The following KNL1 variants were observed in gnomAD, a reference collection of about 807,000 sequenced individuals.
The protein encoded by KNL1 is outer kinetochore KNL1 complex subunit KNL1.
Under a neutral mutation model 201.3 loss-of-function variants are expected in KNL1, and 66 were observed. The ratio of observed to expected loss-of-function variants is 0.33; its 90% CI spans 0.27 to 0.40. The LOEUF (loss-of-function observed/expected upper bound fraction) is 0.40, where lower values mean the gene tolerates loss of function less well. Ranked by LOEUF, KNL1 falls within the 10% of genes least tolerant of loss-of-function variation. The probability of loss-of-function intolerance (pLI) is 1.00; values close to 1 mark genes in which losing one functional copy is unlikely to be tolerated. For synonymous variants in KNL1, 895 were observed against 899.2 expected, an observed-to-expected ratio of 1.00 and a Z score of 0.08; for missense variants, 2,815 against 2,690.5, an observed-to-expected ratio of 1.05 and a Z score of -1.02.
intron 24 of KNL1, among the ~76,000 whole-genome samples, chr15:40,658,818 T>C (rs1193344425): frequency 6.7e-6 from 1 of 150,286 alleles, no homozygotes; most frequent in African/African-American, 2.4e-5. Context: ...TAGTCCCAGC[T>C]AATCAGGAGG....
chr15:40,650,168 A>G, intron 17 of KNL1, 133 bp from the exon 18 acceptor site: 2 of 615,902 alleles, frequency 3.2e-6, no homozygotes, highest in Non-Finnish European at 5.5e-6. Context: ...GAACTTCTGA[A>G]CTTCCTACTA....
At position 40,663,068 on chromosome 15, in the gene KNL1, C is replaced by CT. The variant is rs563946206; in HGVS notation, c.*889dup. On this transcript the variant is annotated 3_prime_UTR_variant, in exon 26 of 26. Coordinates refer to ENST00000399668, the MANE Select transcript of KNL1 (RefSeq NM_144508.5). ...ATGGTGTCTATTATGTTTTCTTTTT[C>CT]TTTTTTTTTGAGACGGAGTCTTGCT... 1.2e-3 allele frequency: 198 copies of CT among 166,346 alleles called. 4 individuals are homozygous for CT. In the South Asian group the frequency reaches 0.03, roughly 25 times the overall value. The allele number at this position is 166,346 out of a possible 1,614,324, so 10.3% of individuals were successfully genotyped here. A position where few individuals can be genotyped will look rare whatever the true frequency, so the allele number is the denominator to read the frequency against.
chr15:40,661,258 C>T (rs548936079), intron 25 of KNL1, among the ~76,000 whole-genome samples: 12 of 151,830 alleles, frequency 7.9e-5, no homozygotes, highest in East Asian at 1.9e-4. Context: ...TTTTGGAGGC[C>T]GAGGTGGGTG....
chr15:40,636,410 T>G (rs902038058), intron 13 of KNL1, among the ~76,000 whole-genome samples: 8 of 152,244 alleles, frequency 5.3e-5, no homozygotes, highest in Non-Finnish European at 1.2e-4. Flanking sequence ...TCACTTTATG[T>G]GTTATGAAAG....
At chr15:40,640,763 A>AT (rs1018317941) in intron 13 of KNL1, 149 bp from the exon 14 acceptor site, 39 of 571,446 alleles carry the variant, frequency 6.8e-5, no homozygotes, top group African/African-American at 5.9e-4. Flanking sequence ...TCAGATTCCA[A>AT]TTTTTTGTTT....
chr15:40,652,084 A>G lies in KNL1; in HGVS notation c.6394A>G (p.Ile2132Val), dbSNP rs1274448842. 1.2e-6 allele frequency: 2 copies of G among 1,613,300 alleles called. No homozygotes were observed. The highest frequency in any genetic ancestry group is 1.7e-5 in the Admixed American group (1 of 60,004). Reference protein sequence around the residue: ...TFVYDTIQLTITFEESVVGFP... With the variant: ...TFVYDTIQLTVTFEESVVGFP... ...TGTTTATGACACGATACAACTCACC[A>G]TCACCTTTGAAGAGTCAGTTGGTAA... Residue 2132 changes from isoleucine to valine, a missense_variant, in exon 21 of 26, where the codon ATC becomes GTC. Coordinates refer to ENST00000399668, the MANE Select transcript of KNL1 (RefSeq NM_144508.5).
intron 2 of KNL1, among the ~76,000 whole-genome samples, 182 bp from the exon 3 acceptor site, chr15:40,604,926 AAT>A (rs1465370478): frequency 6.6e-6 from 1 of 152,220 alleles, no homozygotes; most frequent in Non-Finnish European, 1.5e-5. Context: ...CGTAGTACAC[AAT>A]ATGTATTTTA....
In KNL1 at chr15:40,663,280, C is replaced by T. The variant is rs1437761733; in HGVS notation, c.*1092C>T. The T allele has an allele frequency of 4.1e-5, 7 of 169,812 alleles. No individual in the cohort carries two copies. Among genetic ancestry groups the T allele is most frequent in the Non-Finnish European group, 9.0e-5 (7 of 78,204 alleles). The allele number at this position is 169,812 out of a possible 1,614,324, so 10.5% of individuals were successfully genotyped here. ...TTCACGATGTTAGCCAGGATGGTCT[C>T]GATCTCCTGACCTCGTGATCCGCCT... On this transcript the variant is annotated 3_prime_UTR_variant, in exon 26 of 26. Coordinates refer to ENST00000399668, the MANE Select transcript of KNL1 (RefSeq NM_144508.5).
intron 12 of KNL1, 54 bp downstream of exon 12, chr15:40,628,732 G>C: frequency 8.6e-7 from 1 of 1,166,572 alleles, no homozygotes; most frequent in Non-Finnish European, 1.2e-6. Context: ...AGGTTTAAAC[G>C]TCTCATTTCT....
In KNL1 at chr15:40,628,189, G is replaced by C; in HGVS notation, c.5496G>C (p.Gly1832=). ...CTCTGGATTCAATCAAGGCTGATGG[G>C]ACCTCTCTGGACTTCAGCAGTAAGA... The part of the protein sequence containing the change: ...SSSLDSIKAD[G]TSLDFSTYRS... The change falls in exon 11 of 26, where the codon GGG becomes GGC. Residue 1832 remains glycine (G), a synonymous_variant. Coordinates refer to ENST00000399668, the MANE Select transcript of KNL1 (RefSeq NM_144508.5). 1 of 1,603,164 alleles carries C rather than the reference G, an allele frequency of 6.2e-7. No homozygotes were observed. Among genetic ancestry groups the C allele is most frequent in the Non-Finnish European group, 8.5e-7 (1 of 1,176,718 alleles).
At chr15:40,641,155 A>T in intron 14 of KNL1, 128 bp downstream of exon 14, 4 of 589,936 alleles carry the variant, frequency 6.8e-6, no homozygotes, top group Non-Finnish European at 8.8e-6. Flanking sequence ...TGGCAGTGTG[A>T]TGTGGGAGAA....
rs576771552 is a variant in KNL1 at position 40,629,648 on chromosome 15, C to T, written c.5682+277C>T. Among the ~76,000 whole-genome samples the T allele has an allele frequency of 2.4e-4, 36 of 151,428 alleles. No individual in the cohort carries two copies. The South Asian group carries it at 3.1e-3, about 13-fold the overall frequency. On this transcript the variant is annotated intron_variant, in intron 13 of 25. Transcript: ENST00000399668. ...CCTCCTGAGTAGCTGGGACTACAGG[C>T]GCGTGCCACCACACCCGGCTAATTT... is the stretch of plus-strand genomic sequence containing the variant.
chr15:40,623,684 T>C lies in KNL1; in HGVS notation c.3420T>C (p.Thr1140=). The change falls in exon 10 of 26, where the codon ACT becomes ACC. Residue 1140 remains threonine, a synonymous_variant. Transcript: ENST00000399668. Reference sequence around the variant, plus strand: ...ACACAACTGCCTTAGAATGTAAAACTCTCCTGCCAAATGAAATAGCTATTA... The same window carrying C: ...ACACAACTGCCTTAGAATGTAAAACCCTCCTGCCAAATGAAATAGCTATTA... ...RSHTTALECK[T]LLPNEIAIRP... is the part of the protein sequence containing the mutation. 1 of 1,613,838 alleles carries C rather than the reference T, an allele frequency of 6.2e-7. No homozygotes were observed. The highest frequency in any genetic ancestry group is 8.5e-7 in the Non-Finnish European group (1 of 1,179,904).
chr15:40,645,355 G>A (rs991873080), intron 15 of KNL1, among the ~76,000 whole-genome samples: 5 of 152,048 alleles, frequency 3.3e-5, no homozygotes, highest in African/African-American at 4.8e-5. Context: ...AGATTTAGAC[G>A]AAGAAAAGAT....
chr15:40,638,702 A>G (rs924669001), intron 13 of KNL1, among the ~76,000 whole-genome samples: 9 of 151,992 alleles, frequency 5.9e-5, no homozygotes, highest in African/African-American at 2.2e-4. Flanking sequence ...CAGGTGGGCC[A>G]GGCTTGTCTT....
intron 19 of KNL1, 22 bp from the exon 20 acceptor site, chr15:40,651,449 G>T (rs142222899): frequency 4.5e-6 from 7 of 1,539,318 alleles, no homozygotes; most frequent in South Asian, 3.6e-5. Flanking sequence ...TTATCTCTCT[G>T]AATACCTGCT....
chr15:40,649,138 C>G (rs2141756336), intron 17 of KNL1, among the ~76,000 whole-genome samples: 1 of 150,424 alleles, frequency 6.6e-6, no homozygotes, highest in South Asian at 2.1e-4. Flanking sequence ...GCGCCTGGCC[C>G]AAACTTAACT....
In KNL1 at chr15:40,616,994, G is replaced by C. The variant is rs542059287; in HGVS notation, c.322+1616G>C. On this transcript the variant is annotated intron_variant, in intron 8 of 25. Coordinates refer to ENST00000399668, the MANE Select transcript of KNL1 (RefSeq NM_144508.5). ...GACGGAGTCTCACTCTGTCACCCAG[G>C]CTGAAGTGAGGTGGTGCGATCTTGG... Among the ~76,000 whole-genome samples the C allele has an allele frequency of 2.0e-5, 3 of 152,152 alleles. No homozygotes were observed. In the South Asian group the frequency reaches 6.2e-4, roughly 32 times the overall value.
intron 24 of KNL1, among the ~76,000 whole-genome samples, chr15:40,658,042 C>T (rs1451382796): frequency 6.6e-6 from 1 of 150,970 alleles, no homozygotes; most frequent in African/African-American, 2.4e-5. Flanking sequence ...CCGAGGTGGG[C>T]GAATCACAAG....
Sources: gnomAD v4.1 joint callset for allele counts (sites outside exome capture counted in the v4.1 genomes callset) on GRCh38, gnomAD v4.1.1 for gene constraint, MANE v1.5 for transcripts, NCBI Gene and HGNC (gene_info 2026-07-23, HGNC 2026-07-21) for gene names.